Variants in EDC4 observed in about 807,000 individuals in gnomAD.
EDC4 encodes enhancer of mRNA-decapping protein 4.
EDC4 carries 64 observed loss-of-function variants against 155.8 expected under a neutral mutation model. The observed-to-expected ratio is 0.41, with a 90% CI of 0.34 to 0.51. EDC4 has a LOEUF of 0.51. Among genes scored for constraint, EDC4 ranks in the 20% least tolerant of loss-of-function variants. EDC4 has a pLI of 0.19. For missense variants in EDC4, 1,303 were observed against 1,812.5 expected (o/e 0.72, Z 5.10); for synonymous variants, 684 against 716.8 (o/e 0.95, Z 0.73).
chr16:67,873,948 C>G (rs906603836), intron 1 of EDC4, among the ~76,000 whole-genome samples: 4 of 152,198 alleles, frequency 2.6e-5, no homozygotes, highest in Non-Finnish European at 5.9e-5. Flanking sequence ...ATTCATATTT[C>G]GCTTTGGCTC....
In EDC4 at chr16:67,877,390, G is replaced by A. The variant is rs773506138; in HGVS notation, c.625G>A (p.Val209Ile). The A allele has an allele frequency of 3.1e-6, 5 of 1,613,218 alleles. No homozygotes were observed. In the African/African-American group the frequency reaches 5.3e-5, roughly 17 times the overall value. Residue 209 changes from valine to isoleucine, a missense_variant, in exon 5 of 29, where the codon GTT becomes ATT. Val to Ile is a conservative substitution (Grantham distance 29). This residue lies in a region of EDC4 where 235 missense variants were observed against 367.7 expected (regional missense o/e 0.64). Coordinates refer to ENST00000358933, the MANE Select transcript of EDC4 (RefSeq NM_014329.5). The surrounding 1 kb of genome is among the most constrained non-coding windows in gnomAD (Gnocchi z 4.9). Reference protein sequence around the residue: ...GNLFVWRLALVNGKIQEEILV... With the variant: ...GNLFVWRLALINGKIQEEILV... ...CCTGTTCGTGTGGCGCTTGGCTCTG[G>A]TTAATGGCAAAATTCAGTATCCATT...
chr16:67,874,966 G>A (rs904347345), intron 1 of EDC4, among the ~76,000 whole-genome samples: 1 of 152,158 alleles, frequency 6.6e-6, no homozygotes, highest in African/African-American at 2.4e-5. Context: ...TGTAATCCCA[G>A]CTACTTGGGA....
Position 67,878,855 on chromosome 16 carries a change from G to T in EDC4, c.1287+16G>T, listed in dbSNP as rs1340514431. The T allele has an allele frequency of 6.2e-7, 1 of 1,612,766 alleles. No homozygotes were observed. Among genetic ancestry groups the T allele is most frequent in the Non-Finnish European group, 8.5e-7 (1 of 1,180,014 alleles). On this transcript the variant is annotated intron_variant, in intron 11 of 28. Coordinates refer to ENST00000358933, the MANE Select transcript of EDC4 (RefSeq NM_014329.5). This position sits in a 1 kb window ranked among gnomAD's most constrained non-coding sequence, Gnocchi z 5.2. The stretch of plus-strand genomic sequence containing the variant: ...GCAACGGAAGGTAGGCTGCCATGGG[G>T]TACCCTGGGCAGAGTTGGGATTATA...
Position 67,879,609 on chromosome 16 carries a change from A to G in EDC4, c.1656A>G (p.Glu552=). The G allele has an allele frequency of 6.2e-7, 1 of 1,614,152 alleles. No individual in the cohort carries two copies. Residue 552 remains glutamate, a synonymous_variant, in exon 15 of 29, where the codon GAA becomes GAG. Coordinates refer to ENST00000358933, the MANE Select transcript of EDC4 (RefSeq NM_014329.5). The surrounding 1 kb of genome is among the most constrained non-coding windows in gnomAD (Gnocchi z 6.0). ...CAGCATTTGGAGAGTCTCGGCCCGA[A>G]CTGGGCTCTGAGGGCCTGGGGTCAG... ...EDFTFGESRP[E]LGSEGLGSAA... is the part of the protein sequence containing the mutation.
In EDC4 at chr16:67,884,235, A is replaced by G; in HGVS notation, c.*87A>G. The G allele has an allele frequency of 7.8e-7, 1 of 1,277,314 alleles. No homozygotes were observed. Among genetic ancestry groups the G allele is most frequent in the Non-Finnish European group, 1.1e-6 (1 of 941,494 alleles). 79.1% of individuals were successfully genotyped at this position (1,277,314 alleles called of 1,614,324 possible). ...TGGGGCAGGGTCACGGCTGGCCTTT[A>G]CCTGCTCAGGCCCCCATCTCTGGGG... On this transcript the variant is annotated 3_prime_UTR_variant, in exon 29 of 29. Coordinates refer to ENST00000358933, the MANE Select transcript of EDC4 (RefSeq NM_014329.5). This position sits in a 1 kb window ranked among gnomAD's most constrained non-coding sequence, Gnocchi z 4.1.
intron 1 of EDC4, among the ~76,000 whole-genome samples, chr16:67,874,494 G>T (rs913388017): frequency 6.6e-6 from 1 of 152,162 alleles, no homozygotes; most frequent in Non-Finnish European, 1.5e-5. Context: ...TGAGTTGGGC[G>T]TGGACCTCTC....
rs375802876 is a variant in EDC4, at chr16:67,877,500, C to G, written c.642-9C>G. 2 of 1,614,046 alleles carry G rather than the reference C, an allele frequency of 1.2e-6. No homozygotes were observed. Among genetic ancestry groups the G allele is most frequent in the Admixed American group, 1.7e-5 (1 of 60,024 alleles). ...CATTCATCTATCTAGCCCTTAACAC[C>G]CTGCTCAGAGAAGAGATCTTGGTCC... is the stretch of plus-strand genomic sequence containing the variant. On this transcript the variant is annotated splice_polypyrimidine_tract_variant and intron_variant, in intron 5 of 28. Transcript: ENST00000358933. This position sits in a 1 kb window ranked among gnomAD's most constrained non-coding sequence, Gnocchi z 4.9.
Position 67,877,724 on chromosome 16 carries a change from C to A in EDC4, c.790-17C>A, listed in dbSNP as rs1165642087. ...GTGTGGGGTTGGGCTGCACACTCAC[C>A]TCCCTGTGCCTTCCAGGCTGAGGTG... is the stretch of plus-strand genomic sequence containing the variant. On this transcript the variant is annotated splice_polypyrimidine_tract_variant and intron_variant, in intron 6 of 28. Coordinates refer to ENST00000358933, the MANE Select transcript of EDC4 (RefSeq NM_014329.5). This position sits in a 1 kb window ranked among gnomAD's most constrained non-coding sequence, Gnocchi z 4.9. 6.2e-7 allele frequency: 1 copy of A among 1,614,148 alleles called. No individual in the cohort carries two copies. The highest frequency in any genetic ancestry group is 8.5e-7 in the Non-Finnish European group (1 of 1,180,036).
chr16:67,881,172 T>C lies in EDC4; in HGVS notation c.2628T>C (p.Ala876=), dbSNP rs763824213. The C allele has an allele frequency of 8.1e-6, 13 of 1,613,990 alleles. No homozygotes were observed. The highest frequency in any genetic ancestry group is 1.1e-5 in the Non-Finnish European group (13 of 1,180,036). Residue 876 remains alanine, a synonymous_variant, in exon 19 of 29, where the codon GCT becomes GCC. Transcript: ENST00000358933. The surrounding 1 kb of genome is among the most constrained non-coding windows in gnomAD (Gnocchi z 5.4). ...AACGTGACAGCCAGGATGCCAGTGC[T>C]GAGCAAAGGTGGGAGCCACTCTACA... ...LQQRDSQDAS[A]EQSDHDDEVA...
rs1382827165 is a variant in EDC4 at position 67,876,667 on chromosome 16, T to TG, written c.351+69dup. 34 of 1,591,512 alleles carry TG rather than the reference T, an allele frequency of 2.1e-5. No individual in the cohort carries two copies. Among genetic ancestry groups the TG allele is most frequent in the Non-Finnish European group, 1.9e-5 (22 of 1,166,804 alleles). On this transcript the variant is annotated intron_variant, in intron 3 of 28. Coordinates refer to ENST00000358933, the MANE Select transcript of EDC4 (RefSeq NM_014329.5). This position sits in a 1 kb window ranked among gnomAD's most constrained non-coding sequence, Gnocchi z 5.8. ...CACCCAGCCTTTCCAGTCTCCCTCATGCTGCCAGTTCCTATGGGGACCACC... is the reference window on the plus strand; with the variant it reads ...CACCCAGCCTTTCCAGTCTCCCTCATGGCTGCCAGTTCCTATGGGGACCACC...
At position 67,880,495 on chromosome 16, in the gene EDC4, C is replaced by CT; in HGVS notation, c.2098-61dup. Reference sequence around the variant, plus strand: ...TACTGCTAATACTAATGCCTCGTCTCTGTGCCCCCCATCTCTGCCTCACTT... The same window carrying CT: ...TACTGCTAATACTAATGCCTCGTCTCTTGTGCCCCCCATCTCTGCCTCACTT... On this transcript the variant is annotated intron_variant, in intron 17 of 28. Transcript: ENST00000358933. This position sits in a 1 kb window ranked among gnomAD's most constrained non-coding sequence, Gnocchi z 5.2. The CT allele has an allele frequency of 6.3e-7, 1 of 1,577,388 alleles. No homozygotes were observed.
rs1484333248 is a variant in EDC4 at position 67,880,677 on chromosome 16, C to T, written c.2218C>T (p.Leu740=). 2.5e-6 allele frequency: 4 copies of T among 1,614,092 alleles called. No homozygotes were observed. The highest frequency in any genetic ancestry group is 2.7e-5 in the African/African-American group (2 of 74,942). The change falls in exon 18 of 29, where the codon CTG becomes TTG. Residue 740 remains leucine (L), a synonymous_variant. Coordinates refer to ENST00000358933, the MANE Select transcript of EDC4 (RefSeq NM_014329.5). The surrounding 1 kb of genome is among the most constrained non-coding windows in gnomAD (Gnocchi z 5.2). ...TGTCATCTCCTCAGCTTCCACTGCCCTGTCCCAGGACATCCCTGAGATTGC... is the reference window on the plus strand; with the variant it reads ...TGTCATCTCCTCAGCTTCCACTGCCTTGTCCCAGGACATCCCTGAGATTGC... The part of the protein sequence containing the change: ...PDVISSASTA[L]SQDIPEIASE...
chr16:67,874,260 C>T (rs1197225795), intron 1 of EDC4, among the ~76,000 whole-genome samples: 1 of 152,164 alleles, frequency 6.6e-6, no homozygotes, highest in Non-Finnish European at 1.5e-5. Context: ...TTAGGGATCT[C>T]TGAAGTGGCC....
At position 67,879,659 on chromosome 16, in the gene EDC4, T is replaced by C. The variant is rs976591622; in HGVS notation, c.1706T>C (p.Leu569Pro). The change falls in exon 15 of 29, where the codon CTC becomes CCC. Residue 569 changes from leucine to proline, a missense_variant. Physicochemically the swap from Leu to Pro is moderately conservative, Grantham distance 98 (BLOSUM62 -3). Transcript: ENST00000358933. The surrounding 1 kb of genome is among the most constrained non-coding windows in gnomAD (Gnocchi z 6.0). The stretch of plus-strand genomic sequence containing the variant: ...GCCGCTCACGGCTCCCAGCCTGACC[T>C]CCGACGAATCGTGGAGCTGCCTGCA... Reference protein sequence around the residue: ...GSAAHGSQPDLRRIVELPAPA... With the variant: ...GSAAHGSQPDPRRIVELPAPA... 3.3e-5 allele frequency: 53 copies of C among 1,614,168 alleles called. No individual in the cohort carries two copies. Among genetic ancestry groups the C allele is most frequent in the Non-Finnish European group, 3.3e-5 (39 of 1,180,024 alleles).
Position 67,883,113 on chromosome 16 carries a change from A to C in EDC4, c.3785A>C (p.Gln1262Pro). ...TPVPSAHLDC[Q>P]AQQAHILQLL... is the part of the protein sequence containing the mutation. ...GTCCCCTCTGCCCACCTTGACTGCCAGGCCCAGCAAGCCCATATCCTGCAG... is the reference window on the plus strand; with the variant it reads ...GTCCCCTCTGCCCACCTTGACTGCCCGGCCCAGCAAGCCCATATCCTGCAG... The change falls in exon 27 of 29, where the codon CAG (glutamine) becomes CCG (proline). Residue 1262 changes from glutamine to proline, a missense_variant. Transcript: ENST00000358933. The surrounding 1 kb of genome is among the most constrained non-coding windows in gnomAD (Gnocchi z 5.3). The C allele has an allele frequency of 6.2e-7, 1 of 1,609,788 alleles. No individual in the cohort carries two copies. The highest frequency in any genetic ancestry group is 8.5e-7 in the Non-Finnish European group (1 of 1,178,774).
chr16:67,878,106 C>G lies in EDC4; in HGVS notation c.895-60C>G. 1 of 1,606,052 alleles carries G rather than the reference C, an allele frequency of 6.2e-7. No individual in the cohort carries two copies. The highest frequency in any genetic ancestry group is 8.5e-7 in the Non-Finnish European group (1 of 1,175,420). ...TGAGTCAGCCCAGCTCATTGCCATC[C>G]TCACTTGGGAGGGGCTTGTTCTCAC... is the stretch of plus-strand genomic sequence containing the variant. On this transcript the variant is annotated intron_variant, in intron 7 of 28. Transcript: ENST00000358933. The surrounding 1 kb of genome is among the most constrained non-coding windows in gnomAD (Gnocchi z 5.2).
At position 67,881,949 on chromosome 16, in the gene EDC4, C is replaced by A; in HGVS notation, c.3005-5C>A. The A allele has an allele frequency of 6.2e-7, 1 of 1,606,402 alleles. No individual in the cohort carries two copies. The highest frequency in any genetic ancestry group is 1.3e-5 in the African/African-American group (1 of 74,758). ...CTCCAGGCCCGTTCCTTAGCTATGG[C>A]GCAGAGCGGCGGCTGGAGCGAGCAC... is the stretch of plus-strand genomic sequence containing the variant. On this transcript the variant is annotated splice_polypyrimidine_tract_variant and splice_region_variant and intron_variant, in intron 22 of 28. Coordinates refer to ENST00000358933, the MANE Select transcript of EDC4 (RefSeq NM_014329.5). This position sits in a 1 kb window ranked among gnomAD's most constrained non-coding sequence, Gnocchi z 5.4.
At position 67,880,132 on chromosome 16, in the gene EDC4, C is replaced by A; in HGVS notation, c.2013C>A (p.Gly671=). Residue 671 remains glycine, a synonymous_variant, in exon 17 of 29, where the codon GGC becomes GGA. Coordinates refer to ENST00000358933, the MANE Select transcript of EDC4 (RefSeq NM_014329.5). This position sits in a 1 kb window ranked among gnomAD's most constrained non-coding sequence, Gnocchi z 5.2. ...LDGSLTMSSS[G]SLQASPRGLL... Reference sequence around the variant, plus strand: ...GCAGCCTGACAATGAGCAGCAGTGGCAGCCTTCAGGCAAGCCCGCGTGGCC... The same window carrying A: ...GCAGCCTGACAATGAGCAGCAGTGGAAGCCTTCAGGCAAGCCCGCGTGGCC... The A allele has an allele frequency of 6.2e-7, 1 of 1,613,086 alleles. No homozygotes were observed. Among genetic ancestry groups the A allele is most frequent in the Admixed American group, 1.7e-5 (1 of 59,958 alleles).
chr16:67,883,685 C>A lies in EDC4; in HGVS notation c.3967C>A (p.Gln1323Lys). Residue 1323 changes from glutamine (Q) to lysine (K), a missense_variant, in exon 28 of 29, where the codon CAG becomes AAG. Coordinates refer to ENST00000358933, the MANE Select transcript of EDC4 (RefSeq NM_014329.5). The surrounding 1 kb of genome is among the most constrained non-coding windows in gnomAD (Gnocchi z 5.3). The stretch of plus-strand genomic sequence containing the variant: ...CCAGCCTGTGCTCCTTTCCCTCATC[C>A]AGCAGCTGGCATCTGACCTTGGCAC... The part of the protein sequence containing the change: ...LSQPVLLSLI[Q>K]QLASDLGTRT... 1 of 1,614,180 alleles carries A rather than the reference C, an allele frequency of 6.2e-7. No homozygotes were observed. The highest frequency in any genetic ancestry group is 8.5e-7 in the Non-Finnish European group (1 of 1,180,030).
Sources: gnomAD v4.1 joint callset for allele counts (sites outside exome capture counted in the v4.1 genomes callset) on GRCh38, gnomAD v4.1.1 for gene constraint, gnomAD v4.1.1 regional missense constraint, Gnocchi (gnomAD v3.1) non-coding constraint, MANE v1.5 for transcripts, NCBI Gene and HGNC (gene_info 2026-07-23, HGNC 2026-07-21) for gene names.